FRMPD1: variants seen among roughly 807,000 people sequenced by gnomAD.
FRMPD1 encodes FERM and PDZ domain-containing protein 1.
A neutral mutation model predicts 117.8 loss-of-function variants in FRMPD1; 76 were observed. The observed-to-expected ratio is 0.65, with a 90% CI of 0.54 to 0.78. FRMPD1 has a LOEUF of 0.78. FRMPD1 is among the 30% of genes least tolerant of loss of function. FRMPD1 has a pLI of 0.00. For synonymous variants in FRMPD1, 783 were observed against 770.4 expected (o/e 1.02, Z -0.27); for missense variants, 1,786 against 1,964.5 (o/e 0.91, Z 1.72).
intron 5 of FRMPD1, among the ~76,000 whole-genome samples, chr9:37,718,706 G>A (rs980134201): frequency 1.2e-4 from 19 of 152,188 alleles, no homozygotes; most frequent in African/African-American, 4.3e-4. Context: ...CTTTACACAC[G>A]TACCTGGTTT....
the FRMPD1 span, among the ~76,000 whole-genome samples, chr9:37,632,914 T>G: frequency 6.8e-6 from 1 of 147,784 alleles, no homozygotes; most frequent in African/African-American, 2.4e-5. Flanking sequence ...TCTGTATATA[T>G]ATAATATATA....
chr9:37,637,258 A>G, the FRMPD1 span: 1 of 1,608,228 alleles, frequency 6.2e-7, no homozygotes, highest in Non-Finnish European at 8.5e-7. Context: ...CGCCAATCAA[A>G]AGCAGCTTAA....
the FRMPD1 span, among the ~76,000 whole-genome samples, chr9:37,620,964 A>G: frequency 1.3e-5 from 2 of 152,180 alleles, no homozygotes; most frequent in African/African-American, 4.8e-5. Flanking sequence ...TTCATTATTT[A>G]TTGTAGTTTT....
At chr9:37,672,410 A>C (rs1821383763) in intron 1 of FRMPD1, among the ~76,000 whole-genome samples, 1 of 152,188 alleles carries the variant, frequency 6.6e-6, no homozygotes, top group Non-Finnish European at 1.5e-5. Flanking sequence ...TGGGGCCTGC[A>C]CAGGTAGGTC....
chr9:37,622,594 A>T, the FRMPD1 span, among the ~76,000 whole-genome samples: 4 of 151,962 alleles, frequency 2.6e-5, no homozygotes, highest in Non-Finnish European at 5.9e-5. Flanking sequence ...TGAGGCAGAA[A>T]CTCCAGCCTG....
intron 1 of FRMPD1, among the ~76,000 whole-genome samples, chr9:37,662,825 A>G (rs921366541): frequency 6.6e-6 from 1 of 152,230 alleles, no homozygotes; most frequent in Admixed American, 6.5e-5. Context: ...CTTTATGTAC[A>G]GAAGCTCTTG....
chr9:37,717,893 T>A (rs908355290), intron 5 of FRMPD1, among the ~76,000 whole-genome samples: 4 of 152,222 alleles, frequency 2.6e-5, no homozygotes, highest in African/African-American at 7.2e-5. Context: ...TTCGAAGCAA[T>A]CTGATAGTCT....
chr9:37,686,360 A>G (rs1000034277), intron 1 of FRMPD1, among the ~76,000 whole-genome samples: 2 of 152,224 alleles, frequency 1.3e-5, no homozygotes, highest in African/African-American at 2.4e-5. Flanking sequence ...TAACAATAAG[A>G]TGGGTCCAAC....
chr9:37,643,016 T>G, the FRMPD1 span, among the ~76,000 whole-genome samples: 3 of 152,328 alleles, frequency 2.0e-5, no homozygotes, highest in South Asian at 6.2e-4. Context: ...CTGTATAGTT[T>G]TTAAAGTTGT....
the FRMPD1 span, among the ~76,000 whole-genome samples, chr9:37,636,092 G>T: frequency 2.0e-5 from 3 of 152,190 alleles, no homozygotes; most frequent in Non-Finnish European, 2.9e-5. Flanking sequence ...AGCCGCCCTC[G>T]ATATACTCAG....
the FRMPD1 span, among the ~76,000 whole-genome samples, chr9:37,643,972 A>G: frequency 2.0e-5 from 3 of 152,168 alleles, no homozygotes; most frequent in African/African-American, 7.2e-5. Context: ...GGTGGAGAGG[A>G]TTAATAGGAG....
At chr9:37,696,069 T>C (rs1236472146) in intron 2 of FRMPD1, among the ~76,000 whole-genome samples, 1 of 139,096 alleles carries the variant, frequency 7.2e-6, no homozygotes, top group East Asian at 2.2e-4. Flanking sequence ...TTTTTTTTTT[T>C]TTTTTTAATA....
At chr9:37,628,117 A>C in the FRMPD1 span, among the ~76,000 whole-genome samples, 1 of 152,212 alleles carries the variant, frequency 6.6e-6, no homozygotes, top group African/African-American at 2.4e-5. Context: ...ATTTAAGAAA[A>C]TCTGTGTTAA....
Position 37,746,056 on chromosome 9 carries a change from A to G in FRMPD1, c.4024A>G (p.Thr1342Ala). Residue 1342 changes from threonine to alanine, a missense_variant, in exon 16 of 16, where the codon ACA (threonine) becomes GCA (alanine). Physicochemically the swap from Thr to Ala is moderately conservative, Grantham distance 58 (BLOSUM62 0). Transcript: ENST00000377765. ...GTGCAGCTGTCAGTTCTCCTATGCCACATGCTTCCGTGGCCCGCAGCCTGA... is the reference window on the plus strand; with the variant it reads ...GTGCAGCTGTCAGTTCTCCTATGCCGCATGCTTCCGTGGCCCGCAGCCTGA... ...DQCSCQFSYA[T>A]CFRGPQPETE... The G allele has an allele frequency of 2.5e-6, 4 of 1,614,202 alleles. No homozygotes were observed. In the East Asian group the frequency reaches 8.9e-5, roughly 36 times the overall value.
At chr9:37,643,643 C>T in the FRMPD1 span, among the ~76,000 whole-genome samples, 2 of 152,134 alleles carry the variant, frequency 1.3e-5, no homozygotes, top group African/African-American at 2.4e-5. Context: ...TGATTCCTCT[C>T]TTTTAGTTAT....
rs757735380 is a variant in FRMPD1, at chr9:37,745,728, C to T, written c.3696C>T (p.Asn1232=). Residue 1232 remains asparagine, a synonymous_variant, in exon 16 of 16, where the codon AAC becomes AAT. Coordinates refer to ENST00000377765, the MANE Select transcript of FRMPD1 (RefSeq NM_014907.3). ...PPEGIKAEAP[N]HVTGQDIAPR... The stretch of plus-strand genomic sequence containing the variant: ...AGGGGATCAAGGCAGAGGCACCTAA[C>T]CATGTGACAGGGCAAGATATAGCCC... 5.6e-6 allele frequency: 9 copies of T among 1,614,056 alleles called. No homozygotes were observed. The highest frequency in any genetic ancestry group is 5.3e-5 in the African/African-American group (4 of 74,920).
At chr9:37,633,465 A>C in the FRMPD1 span, among the ~76,000 whole-genome samples, 1 of 152,246 alleles carries the variant, frequency 6.6e-6, no homozygotes, top group South Asian at 2.1e-4. Context: ...ACTGGGCAAT[A>C]CCATCCTATT....
At chr9:37,732,276 C>G (rs763512457) in intron 9 of FRMPD1, 28 bp from the exon 10 acceptor site, 1 of 1,610,446 alleles carries the variant, frequency 6.2e-7, no homozygotes, top group South Asian at 1.1e-5. Context: ...GCTTTTGTTT[C>G]CCATCTGCTC....
chr9:37,685,487 CA>C lies in FRMPD1; in HGVS notation c.-4-7137del, dbSNP rs770271962. On this transcript the variant is annotated intron_variant, in intron 1 of 15. Transcript: ENST00000377765. ...TGAAACCCTGTCTCTACTAAAAATA[CA>C]AAAAAAAAAAAAATTTAGCCGGGCG... Among the ~76,000 whole-genome samples, 885 of 139,146 alleles carry C rather than the reference CA, an allele frequency of 6.4e-3. 4 individuals are homozygous for C. The highest frequency in any genetic ancestry group is 0.012 in the African/African-American group (462 of 38,026). The allele number at this position is 139,146 out of a possible 152,430, so 91.3% of individuals were successfully genotyped here.
Sources: allele counts gnomAD v4.1 joint callset (sites outside exome capture counted in the v4.1 genomes callset), GRCh38; gene constraint gnomAD v4.1.1; transcripts MANE v1.5; gene names NCBI Gene and HGNC (gene_info 2026-07-23, HGNC 2026-07-21).